The following LY6E variants were observed in gnomAD, a reference collection of about 807,000 sequenced individuals.
LY6E encodes the protein lymphocyte antigen 6 family member E.
A neutral mutation model predicts 7.7 loss-of-function variants in LY6E; 4 were observed. The ratio of observed to expected loss-of-function variants is 0.52; its 90% confidence interval spans 0.25 to 1.18. The LOEUF (loss-of-function observed/expected upper bound fraction) is 1.18, where lower values mean the gene tolerates loss of function less well. Among genes scored for constraint, LY6E ranks in the 50% most tolerant of loss-of-function variants. The pLI is 0.14. For missense variants in LY6E, 156 were observed against 168.0 expected (o/e 0.93, Z 0.40); for synonymous variants, 81 against 80.1 (o/e 1.01, Z -0.06).
intron 1 of LY6E, among the ~76,000 whole-genome samples, chr8:143,019,487 G>A (rs752544832): frequency 3.3e-5 from 5 of 152,334 alleles, no homozygotes; most frequent in Non-Finnish European, 7.4e-5. Context: ...CTCAGAGACA[G>A]CTCAGGGACC....
At chr8:143,021,498 C>CA in intron 3 of LY6E, 65 bp downstream of exon 3, 1 of 1,613,012 alleles carries the variant, frequency 6.2e-7, no homozygotes, top group Non-Finnish European at 8.5e-7. Context: ...GGCCGGGGCT[C>CA]AGCAGAGGCC....
chr8:143,022,067 C>G lies in LY6E; in HGVS notation c.*278C>G. On this transcript the variant is annotated 3_prime_UTR_variant, in exon 4 of 4. Transcript: ENST00000292494. ...GAGTCTTACGGTCCAACATCAGGAC[C>G]AAGTCCCATGGACATGCTGACAGGG... 1.8e-6 allele frequency: 1 copy of G among 549,078 alleles called. No individual in the cohort carries two copies. The highest frequency in any genetic ancestry group is 3.2e-6 in the Non-Finnish European group (1 of 310,972). 34.0% of individuals were successfully genotyped at this position (549,078 alleles called of 1,614,324 possible).
At position 143,021,743 on chromosome 8, in the gene LY6E, G is replaced by A. The variant is rs1183649208; in HGVS notation, c.350G>A (p.Gly117Glu). The A allele has an allele frequency of 1.2e-6, 2 of 1,611,792 alleles. No homozygotes were observed. Among genetic ancestry groups the A allele is most frequent in the South Asian group, 1.1e-5 (1 of 91,004 alleles). The change falls in exon 4 of 4, where the codon GGG becomes GAG. Residue 117 changes from glycine to glutamate, a missense_variant. Coordinates refer to ENST00000292494, the MANE Select transcript of LY6E (RefSeq NM_002346.3). ...LRASVTLLGA[G>E]LLLSLLPALL... is the part of the protein sequence containing the mutation. ...GCAAGCGTCACCCTGCTGGGTGCCG[G>A]GCTGCTGCTGAGCCTGCTGCCGGCC...
Position 143,021,321 on chromosome 8 carries a change from G to A in LY6E, c.60G>A (p.Ser20=), listed in dbSNP as rs773477930. 79 of 1,613,494 alleles carry A rather than the reference G, an allele frequency of 4.9e-5. No homozygotes were observed. The highest frequency in any genetic ancestry group is 1.6e-4 in the East Asian group (7 of 44,884). Reference sequence around the variant, plus strand: ...TGTGTCCTCCTTCCGCAGCCAGCTCGCTGATGTGCTTCTCCTGCTTGAACC... The same window carrying A: ...TGTGTCCTCCTTCCGCAGCCAGCTCACTGATGTGCTTCTCCTGCTTGAACC... ...AALLGVERAS[S]LMCFSCLNQK... The change falls in exon 3 of 4, where the codon TCG becomes TCA. Residue 20 remains serine, a synonymous_variant. Coordinates refer to ENST00000292494, the MANE Select transcript of LY6E (RefSeq NM_002346.3).
chr8:143,018,941 TC>T (rs1456814612), intron 1 of LY6E: 1 of 151,828 alleles, frequency 6.6e-6, no homozygotes, highest in African/African-American at 2.4e-5. Flanking sequence ...ATCACCCAAC[TC>T]CAGACGCTCC....
At chr8:143,019,502 C>G (rs550750412) in intron 1 of LY6E, among the ~76,000 whole-genome samples, 1 of 152,212 alleles carries the variant, frequency 6.6e-6, no homozygotes, top group Non-Finnish European at 1.5e-5. Context: ...GGGACCCCCC[C>G]ACACCAGAAC....
chr8:143,020,818 G>C (rs1586614589), intron 1 of LY6E, 65 bp from the exon 2 acceptor site: 1 of 822,144 alleles, frequency 1.2e-6, no homozygotes, highest in East Asian at 2.5e-5. Context: ...TCTGCAAAGT[G>C]GGGGTGCATG....
Position 143,021,574 on chromosome 8 carries a change from G to A in LY6E, c.181G>A (p.Val61Met), listed in dbSNP as rs1332348684. The change falls in exon 4 of 4, where the codon GTG (valine) becomes ATG (methionine). Residue 61 changes from valine to methionine, a missense_variant. Val to Met is a conservative substitution (Grantham distance 21, BLOSUM62 1). Coordinates refer to ENST00000292494, the MANE Select transcript of LY6E (RefSeq NM_002346.3). ...CCTCATTTCCCATGCAGGGAATCTCGTGACATTTGGCCACAGCCTGAGCAA... is the reference window on the plus strand; with the variant it reads ...CCTCATTTCCCATGCAGGGAATCTCATGACATTTGGCCACAGCCTGAGCAA... ...VSASAGIGNL[V>M]TFGHSLSKTC... The A allele has an allele frequency of 6.8e-6, 11 of 1,613,798 alleles. No homozygotes were observed. The highest frequency in any genetic ancestry group is 2.7e-5 in the African/African-American group (2 of 74,914).
chr8:143,021,203 C>T, intron 2 of LY6E, 111 bp from the exon 3 acceptor site: 1 of 1,465,354 alleles, frequency 6.8e-7, no homozygotes, highest in Non-Finnish European at 9.2e-7. Flanking sequence ...CTTTGCTCTG[C>T]CTTCAGCCCA....
At chr8:143,019,395 T>G (rs1307649452) in intron 1 of LY6E, among the ~76,000 whole-genome samples, 2 of 152,230 alleles carry the variant, frequency 1.3e-5, no homozygotes, top group Admixed American at 1.3e-4. Flanking sequence ...CTCAGCCTGG[T>G]GGCCCAGCGG....
intron 1 of LY6E, among the ~76,000 whole-genome samples, chr8:143,019,416 A>C (rs1038510721): frequency 2.6e-5 from 4 of 152,194 alleles, no homozygotes; most frequent in Non-Finnish European, 5.9e-5. Flanking sequence ...GTTGGGTGCC[A>C]CCCAGTGAGC....
At chr8:143,019,807 T>C (rs918785095) in intron 1 of LY6E, among the ~76,000 whole-genome samples, 3 of 152,164 alleles carry the variant, frequency 2.0e-5, no homozygotes, top group African/African-American at 7.2e-5. Context: ...CCCACGGCTG[T>C]CCCTGACAGA....
chr8:143,020,853 C>G, intron 1 of LY6E, 30 bp from the exon 2 acceptor site: 1 of 1,314,870 alleles, frequency 7.6e-7, no homozygotes, highest in East Asian at 2.3e-5. Context: ...TGAGGCACCA[C>G]CCGGCCCCCT....
intron 3 of LY6E, 49 bp downstream of exon 3, chr8:143,021,482 A>C (rs1160007472): frequency 6.2e-7 from 1 of 1,613,538 alleles, no homozygotes; most frequent in Admixed American, 1.7e-5. Flanking sequence ...CCATCTCCCT[A>C]GCCCGGGCCG....
intron 2 of LY6E, 97 bp downstream of exon 2, chr8:143,021,088 T>TC (rs1819208568): frequency 2.2e-6 from 3 of 1,389,838 alleles, no homozygotes; most frequent in Middle Eastern, 1.9e-4. Flanking sequence ...CAGGGGTCCT[T>TC]CCAGGCCGCT....
In LY6E at chr8:143,021,914, G is replaced by T; in HGVS notation, c.*125G>T. On this transcript the variant is annotated 3_prime_UTR_variant, in exon 4 of 4. Coordinates refer to ENST00000292494, the MANE Select transcript of LY6E (RefSeq NM_002346.3). ...GATCTGTGCCCTTGGTCCCAGGTCA[G>T]GCCCACCCCCTGCACCTCCACCTGC... 1.1e-6 allele frequency: 1 copy of T among 875,040 alleles called. No individual in the cohort carries two copies. The allele number at this position is 875,040 out of a possible 1,614,324, so 54.2% of individuals were successfully genotyped here. A position where few individuals can be genotyped will look rare whatever the true frequency, so the allele number is the denominator to read the frequency against.
Position 143,021,727 on chromosome 8 carries a change from AC to A in LY6E, c.337del (p.Leu113CysfsTer8). On this transcript the variant is annotated frameshift_variant, in exon 4 of 4. Coordinates refer to ENST00000292494, the MANE Select transcript of LY6E (RefSeq NM_002346.3). LOFTEE classifies it high-confidence loss of function. ...AADGGLRASV[T>X]LLGAGLLLSL... The stretch of plus-strand genomic sequence containing the variant: ...CGATGGCGGGCTGCGGGCAAGCGTC[AC>A]CCTGCTGGGTGCCGGGCTGCTGCTG... The A allele has an allele frequency of 6.2e-7, 1 of 1,612,830 alleles. No homozygotes were observed. The highest frequency in any genetic ancestry group is 1.6e-4 in the Middle Eastern group (1 of 6,062).
At chr8:143,020,821 G>A (rs1046993787) in intron 1 of LY6E, 62 bp from the exon 2 acceptor site, 2 of 843,406 alleles carry the variant, frequency 2.4e-6, no homozygotes, top group African/African-American at 3.4e-5. Context: ...GCAAAGTGGG[G>A]GTGCATGGTC....
chr8:143,021,225 A>T (rs975310336), intron 2 of LY6E, 89 bp from the exon 3 acceptor site: 1 of 1,536,102 alleles, frequency 6.5e-7, no homozygotes, highest in Non-Finnish European at 8.8e-7. Flanking sequence ...GGCCTGGTAT[A>T]CAGTAATTTC....
Sources: gnomAD v4.1 joint callset for allele counts (sites outside exome capture counted in the v4.1 genomes callset) on GRCh38, gnomAD v4.1.1 for gene constraint, MANE v1.5 for transcripts, NCBI Gene and HGNC (gene_info 2026-07-23, HGNC 2026-07-21) for gene names.